Variants in ZNF717 observed in about 807,000 individuals in gnomAD.
ZNF717 encodes the protein zinc finger protein 717.
ZNF717 carries 9 observed loss-of-function variants against 13.8 expected under a neutral mutation model. The ratio of observed to expected loss-of-function variants is 0.65; its 90% CI spans 0.39 to 1.14. The LOEUF (loss-of-function observed/expected upper bound fraction) is 1.14, where lower values mean the gene tolerates loss of function less well. Among genes scored for constraint, ZNF717 ranks in the 50% most tolerant of loss-of-function variants. The pLI, the probability that ZNF717 is intolerant of heterozygous loss-of-function variation, is 0.01. For synonymous variants in ZNF717, 327 were observed against 364.1 expected, an observed-to-expected ratio of 0.90 and a Z score of 1.16; for missense variants, 1,040 against 1,080.7, an observed-to-expected ratio of 0.96 and a Z score of 0.53.
At position 75,739,023 on chromosome 3, in the gene ZNF717, G is replaced by C; in HGVS notation, c.600C>G (p.His200Gln). 7 of 1,551,568 alleles carry C rather than the reference G, an allele frequency of 4.5e-6. No individual in the cohort carries two copies. Among genetic ancestry groups the C allele is most frequent in the Non-Finnish European group, 6.1e-6 (7 of 1,146,936 alleles). Residue 200 changes from histidine (H) to glutamine (Q), a missense_variant, in exon 5 of 5, where the codon CAC becomes CAG. Coordinates refer to ENST00000652011, the MANE Select transcript of ZNF717 (RefSeq NM_001290208.3). ...HRHHEHLTQHHKIQTLLQTFQ... is the reference protein window; with the variant it reads ...HRHHEHLTQHQKIQTLLQTFQ... ...AAGTCTGCAGCAGAGTTTGAATCTTGTGATGCTGAGTAAGATGTTCATGAT... is the reference window on the plus strand; with the variant it reads ...AAGTCTGCAGCAGAGTTTGAATCTTCTGATGCTGAGTAAGATGTTCATGAT...
At chr3:75,714,944 A>C (rs1938016303) in intron 5 of ZNF717, among the ~76,000 whole-genome samples, 2 of 152,250 alleles carry the variant, frequency 1.3e-5, no homozygotes, top group Non-Finnish European at 2.9e-5. Context: ...CTGACCACAT[A>C]TACACACACA....
rs143244597 is a variant in ZNF717 at position 75,737,235 on chromosome 3, G to A, written c.2388C>T (p.Tyr796=). 2.7e-3 allele frequency: 4,237 copies of A among 1,552,230 alleles called. 35 individuals are homozygous for A. In the African/African-American group the frequency reaches 0.045, roughly 16 times the overall value. The change falls in exon 5 of 5, where the codon TAC becomes TAT. Residue 796 remains tyrosine (Y), a synonymous_variant. Transcript: ENST00000652011. ...YECDECRKTF[Y]DKTVLTIHQR... ...GATGTATGGTGAGAACTGTCTTATC[G>A]TAAAAAGTTTTCCTACATTCATCAC...
intron 2 of ZNF717, among the ~76,000 whole-genome samples, chr3:75,774,515 C>G (rs1944154073): frequency 6.7e-6 from 1 of 148,548 alleles, no homozygotes; most frequent in African/African-American, 2.5e-5. Flanking sequence ...GAAGCACTGT[C>G]AAAATAAAAA....
chr3:75,774,610 GTTTTTT>G (rs537149833), intron 2 of ZNF717, among the ~76,000 whole-genome samples: 4 of 80,214 alleles, frequency 5.0e-5, no homozygotes, highest in East Asian at 3.6e-4. Context: ...AATTCTTGTG[GTTTTTT>G]TTTTTTTTTT....
chr3:75,747,725 C>T lies in ZNF717; in HGVS notation c.58-5989G>A, dbSNP rs1236203149. On this transcript the variant is annotated intron_variant, in intron 2 of 4. Transcript: ENST00000652011. ...ACATTGATTTTGTATCCTGAGACTTCGCTGAAGCTGCTTATCAGCTTAAGG... is the reference window on the plus strand; with the variant it reads ...ACATTGATTTTGTATCCTGAGACTTTGCTGAAGCTGCTTATCAGCTTAAGG... Among the ~76,000 whole-genome samples, 576 of 152,100 alleles carry T rather than the reference C, an allele frequency of 3.8e-3. 6 individuals carry two copies. Among genetic ancestry groups the T allele is most frequent in the Admixed American group, 0.026 (397 of 15,236 alleles).
chr3:75,769,604 C>T (rs536283874), intron 2 of ZNF717, among the ~76,000 whole-genome samples: 165 of 152,262 alleles, frequency 1.1e-3, no homozygotes, highest in African/African-American at 3.6e-3. Context: ...TGAAACATGG[C>T]ATGTGGAGAT....
At chr3:75,778,425 A>G (rs1210099340) in intron 2 of ZNF717, among the ~76,000 whole-genome samples, 1 of 148,764 alleles carries the variant, frequency 6.7e-6, no homozygotes, top group Non-Finnish European at 1.5e-5. Context: ...ATGTGCTAAA[A>G]CCGGAACCCA....
chr3:75,708,789 G>A (rs1666019936), downstream of ZNF717, among the ~76,000 whole-genome samples: 1 of 152,184 alleles, frequency 6.6e-6, no homozygotes, highest in Non-Finnish European at 1.5e-5. Context: ...AGAAATACCT[G>A]AGGCTGAGTT....
intron 4 of ZNF717, among the ~76,000 whole-genome samples, chr3:75,719,079 A>G (rs1205487639): frequency 2.6e-5 from 4 of 152,098 alleles, no homozygotes; most frequent in Non-Finnish European, 4.4e-5. Context: ...GGATCCTTTG[A>G]GCCCAGGAGT....
At chr3:75,782,930 AG>A (rs1944919464) in intron 2 of ZNF717, among the ~76,000 whole-genome samples, 1 of 152,264 alleles carries the variant, frequency 6.6e-6, no homozygotes, top group Admixed American at 6.5e-5. Context: ...ATTTACTGCC[AG>A]GCTGGTGTGA....
intron 2 of ZNF717, among the ~76,000 whole-genome samples, chr3:75,775,332 A>G (rs1218853248): frequency 6.6e-6 from 1 of 152,236 alleles, no homozygotes; most frequent in Non-Finnish European, 1.5e-5. Flanking sequence ...GTCTTTAACT[A>G]TAACTATTTA....
rs1182419096 is a variant in ZNF717, at chr3:75,735,926, T to C, written c.*952A>G. On this transcript the variant is annotated 3_prime_UTR_variant, in exon 5 of 5. Coordinates refer to ENST00000652011, the MANE Select transcript of ZNF717 (RefSeq NM_001290208.3). ...CATCACCTTTTTAACAAATTAAAGA[T>C]TTGTGGCCACGAAGTGCTCAGCAAG... 2 of 152,278 alleles carry C rather than the reference T, an allele frequency of 1.3e-5. No individual in the cohort carries two copies. The highest frequency in any genetic ancestry group is 2.1e-4 in the South Asian group (1 of 4,824). The allele number at this position is 152,278 out of a possible 1,614,324, so 9.4% of individuals were successfully genotyped here.
At chr3:75,752,825 G>A (rs1365422311) in intron 2 of ZNF717, among the ~76,000 whole-genome samples, 6 of 143,422 alleles carry the variant, frequency 4.2e-5, no homozygotes, top group Non-Finnish European at 9.3e-5. Flanking sequence ...CCTGGGGTCT[G>A]AATGTTTGTC....
chr3:75,783,084 T>C (rs1189977314), intron 2 of ZNF717, among the ~76,000 whole-genome samples: 1 of 152,264 alleles, frequency 6.6e-6, no homozygotes. Context: ...GACTGACTTT[T>C]TTGTCACTGC....
In ZNF717 at chr3:75,738,102, G is replaced by C; in HGVS notation, c.1521C>G (p.Tyr507Ter). 7.4e-7 allele frequency: 1 copy of C among 1,350,382 alleles called. No homozygotes were observed. The highest frequency in any genetic ancestry group is 9.9e-7 in the Non-Finnish European group (1 of 1,011,258). 83.6% of individuals were successfully genotyped at this position (1,350,382 alleles called of 1,614,324 possible). A position where few individuals can be genotyped will look rare whatever the true frequency, so the allele number is the denominator to read the frequency against. Reference protein sequence around the residue: ...HQWTHTGEKPYECNECGKTFR... With the variant: ...HQWTHTGEKP ...AGGTTTTCCCACATTCATTGCATTC[G>C]TAGGGTTTTTCCCCTGTGTGAGTCC... The change falls in exon 5 of 5, where the codon TAC (tyrosine) becomes TAG (stop). Residue 507 changes from tyrosine (Y) to a stop codon, truncating the protein, a stop_gained. Transcript: ENST00000652011. LOFTEE classifies it low-confidence loss of function (END_TRUNC).
chr3:75,734,800 T>C (rs1434893453), downstream of ZNF717, among the ~76,000 whole-genome samples: 3 of 23,880 alleles, frequency 1.3e-4, no homozygotes, highest in Non-Finnish European at 2.9e-4. Context: ...TGCAATTATA[T>C]ATATATATAT....
intron 2 of ZNF717, among the ~76,000 whole-genome samples, chr3:75,751,530 A>C (rs1352063486): frequency 6.6e-6 from 1 of 151,786 alleles, no homozygotes; most frequent in Admixed American, 6.6e-5. Flanking sequence ...GGATTCCAGA[A>C]CACTGCTGCT....
chr3:75,767,960 G>GTC (rs1559668600), intron 2 of ZNF717, among the ~76,000 whole-genome samples: 3 of 152,122 alleles, frequency 2.0e-5, no homozygotes, highest in Admixed American at 6.5e-5. Flanking sequence ...GAGAAAGTTG[G>GTC]TCAACGGCAA....
At chr3:75,775,942 C>G (rs909701814) in intron 2 of ZNF717, among the ~76,000 whole-genome samples, 1 of 152,034 alleles carries the variant, frequency 6.6e-6, no homozygotes, top group Admixed American at 6.5e-5. Context: ...AAATTGAATA[C>G]CAAGGAAATA....
Sources: gnomAD v4.1 joint callset for allele counts (sites outside exome capture counted in the v4.1 genomes callset) on GRCh38, gnomAD v4.1.1 for gene constraint, MANE v1.5 for transcripts, NCBI Gene and HGNC (gene_info 2026-07-23, HGNC 2026-07-21) for gene names.